The following CHIC1 variants were observed in gnomAD, a reference collection of about 807,000 sequenced individuals.
CHIC1 encodes the protein cysteine-rich hydrophobic domain-containing protein 1.
CHIC1 carries 7 observed loss-of-function variants against 18.5 expected under a neutral mutation model. The ratio of observed to expected loss-of-function variants is 0.38; its 90% CI spans 0.22 to 0.71. The LOEUF (loss-of-function observed/expected upper bound fraction) is 0.71. CHIC1 is among the 30% of genes least tolerant of loss of function. The pLI is 0.49. For synonymous variants in CHIC1, 77 were observed against 73.5 expected (o/e 1.05, Z -0.25); for missense variants, 159 against 176.9 (o/e 0.90, Z 0.57).
intron 3 of CHIC1, among the ~76,000 whole-genome samples, chrX:73,643,722 C>T (rs1224017967): frequency 1.8e-5 from 2 of 112,124 alleles, no homozygotes; most frequent in Non-Finnish European, 3.8e-5. Context: ...GCTCCATCAA[C>T]TCCTTTAAGG....
chrX:73,673,796 A>G lies in CHIC1; in HGVS notation c.508-5530A>G, dbSNP rs1420191920. Among the ~76,000 whole-genome samples the G allele has an allele frequency of 4.5e-5, 5 of 111,799 alleles. No homozygotes were observed. The East Asian group carries it at 8.4e-4, about 19-fold the overall frequency. On this transcript the variant is annotated intron_variant, in intron 3 of 5. Coordinates refer to ENST00000373502, the MANE Select transcript of CHIC1 (RefSeq NM_001039840.4). ...ACTTCCAACACTATGTTGAATAGGA[A>G]TAGTGAGAGAGGGCATCCCTGTCTT...
chrX:73,609,036 T>C (rs2057695607), intron 3 of CHIC1, among the ~76,000 whole-genome samples: 1 of 105,812 alleles, frequency 9.5e-6, no homozygotes, highest in Admixed American at 1.0e-4. Context: ...ACTCCTGTAT[T>C]CCCAGCTACT....
chrX:73,601,171 G>C (rs1479816925), intron 3 of CHIC1, among the ~76,000 whole-genome samples: 1 of 104,773 alleles, frequency 9.5e-6, no homozygotes, highest in Non-Finnish European at 1.9e-5. Flanking sequence ...AGTCAACAAG[G>C]ATACCCAGGA....
At position 73,563,500 on chromosome X, in the gene CHIC1, G is replaced by C. The variant is rs2057428705; in HGVS notation, c.216G>C (p.Pro72=). 2 of 1,163,899 alleles carry C rather than the reference G, an allele frequency of 1.7e-6. No homozygotes were observed. The highest frequency in any genetic ancestry group is 2.1e-5 in the South Asian group (1 of 48,685). The change falls in exon 1 of 6, where the codon CCG becomes CCC. Residue 72 remains proline (P), a synonymous_variant. Coordinates refer to ENST00000373502, the MANE Select transcript of CHIC1 (RefSeq NM_001039840.4). ...EEEEEEEAPP[P]PRVVSEEHLR... Reference sequence around the variant, plus strand: ...AAGAGGAGGAGGAAGCGCCGCCCCCGCCTCGGGTAGTGAGCGAGGAGCATC... The same window carrying C: ...AAGAGGAGGAGGAAGCGCCGCCCCCCCCTCGGGTAGTGAGCGAGGAGCATC...
intron 3 of CHIC1, among the ~76,000 whole-genome samples, chrX:73,594,181 G>T (rs2057595853): frequency 9.1e-6 from 1 of 109,363 alleles, no homozygotes; most frequent in Non-Finnish European, 1.9e-5. Context: ...GTTTTGTTTT[G>T]TTTTGTTGAG....
In CHIC1 at chrX:73,563,450, G is replaced by A. The variant is rs1197332271; in HGVS notation, c.166G>A (p.Glu56Lys). The A allele has an allele frequency of 1.7e-6, 2 of 1,162,470 alleles. No individual in the cohort carries two copies. The highest frequency in any genetic ancestry group is 6.4e-5 in the East Asian group (2 of 31,359). ...TGAGGAGGAAGAGGAGGAAGAGGAG[G>A]AGGAGGAAGAAGAGGAGGAGGAGGA... ...EDEEEEEEEEEEEEEEEEEEE... is the reference protein window; with the variant it reads ...EDEEEEEEEEKEEEEEEEEEE... Residue 56 changes from glutamate (E) to lysine (K), a missense_variant, in exon 1 of 6, where the codon GAG becomes AAG. By Grantham distance (56) the Glu-to-Lys change is moderately conservative. Coordinates refer to ENST00000373502, the MANE Select transcript of CHIC1 (RefSeq NM_001039840.4).
At chrX:73,565,509 C>T (rs904460736) in intron 1 of CHIC1, among the ~76,000 whole-genome samples, 1 of 111,338 alleles carries the variant, frequency 9.0e-6, no homozygotes, top group Non-Finnish European at 1.9e-5. Flanking sequence ...AAACCAAAAC[C>T]TGAAAAGAAG....
At chrX:73,659,182 T>C (rs767086030) in intron 3 of CHIC1, among the ~76,000 whole-genome samples, 118 of 111,856 alleles carry the variant, frequency 1.1e-3, no homozygotes, top group Non-Finnish European at 1.8e-3. Flanking sequence ...AAGTAACTTA[T>C]CTAGATCAAT....
intron 3 of CHIC1, among the ~76,000 whole-genome samples, chrX:73,586,201 G>T (rs2057552399): frequency 9.0e-6 from 1 of 111,506 alleles, no homozygotes; most frequent in Non-Finnish European, 1.9e-5. Flanking sequence ...AGTAGTGGCT[G>T]CTTCCTTTAA....
intron 3 of CHIC1, among the ~76,000 whole-genome samples, chrX:73,655,494 GTATATATATATA>G (rs2057941271): frequency 3.7e-5 from 2 of 54,229 alleles, no homozygotes; most frequent in East Asian, 1.1e-3. Flanking sequence ...ACAATATTGT[GTATATATATATA>G]CATATATACA....
intron 3 of CHIC1, among the ~76,000 whole-genome samples, chrX:73,655,391 A>G (rs1367109821): frequency 2.0e-5 from 2 of 100,091 alleles, no homozygotes; most frequent in South Asian, 9.1e-4. Flanking sequence ...GTGTGTATAT[A>G]TATGTACATA....
At chrX:73,569,847 T>A (rs192953118) in intron 1 of CHIC1, among the ~76,000 whole-genome samples, 1 of 111,683 alleles carries the variant, frequency 9.0e-6, no homozygotes, top group Admixed American at 9.5e-5. Context: ...TCAAGCCTAC[T>A]TTGCCTTTCT....
At chrX:73,633,635 CT>C (rs2057818315) in intron 3 of CHIC1, among the ~76,000 whole-genome samples, 1 of 111,238 alleles carries the variant, frequency 9.0e-6, no homozygotes, top group Non-Finnish European at 1.9e-5. Context: ...TGTTCTTTCT[CT>C]TTTTCTGCTC....
chrX:73,630,191 C>A (rs2057800945), intron 3 of CHIC1, among the ~76,000 whole-genome samples: 2 of 111,505 alleles, frequency 1.8e-5, no homozygotes, highest in Non-Finnish European at 3.8e-5. Context: ...AGAATTATGT[C>A]ATTAGCAAAC....
rs2057710564 is a variant in CHIC1 at position 73,611,900 on chromosome X, A to T, written c.507+27328A>T. Among the ~76,000 whole-genome samples the T allele has an allele frequency of 3.7e-5, 4 of 108,101 alleles. No homozygotes were observed. The South Asian group carries it at 1.6e-3, about 43-fold the overall frequency. The allele number at this position is 108,101 out of a possible 115,157, so 93.9% of individuals were successfully genotyped here. A position where few individuals can be genotyped will look rare whatever the true frequency, so the allele number is the denominator to read the frequency against. Reference sequence around the variant, plus strand: ...TTTTCTTGTAAATTTGTTTGAGTTCATTGTAGATTCTGGATATTAGCCCTT... The same window carrying T: ...TTTTCTTGTAAATTTGTTTGAGTTCTTTGTAGATTCTGGATATTAGCCCTT... On this transcript the variant is annotated intron_variant, in intron 3 of 5. Transcript: ENST00000373502.
chrX:73,590,033 T>A (rs1047240383), intron 3 of CHIC1, among the ~76,000 whole-genome samples: 12 of 111,370 alleles, frequency 1.1e-4, no homozygotes, highest in African/African-American at 3.9e-4. Context: ...GCTTTCAAGA[T>A]TTCCCTCTTT....
chrX:73,626,144 T>G, intron 3 of CHIC1, among the ~76,000 whole-genome samples: 1 of 111,381 alleles, frequency 9.0e-6, no homozygotes, highest in African/African-American at 3.3e-5. Flanking sequence ...AGTAAAGAAA[T>G]AAAAGAATGG....
intron 3 of CHIC1, among the ~76,000 whole-genome samples, chrX:73,617,806 G>C (rs2057739823): frequency 8.9e-6 from 1 of 111,927 alleles, no homozygotes; most frequent in Admixed American, 9.5e-5. Flanking sequence ...AATTCAAAAT[G>C]AGATTTGGGT....
Position 73,679,311 on chromosome X carries a change from G to A in CHIC1, c.508-15G>A. 1 of 1,094,362 alleles carries A rather than the reference G, an allele frequency of 9.1e-7. No homozygotes were observed. The highest frequency in any genetic ancestry group is 1.8e-5 in the African/African-American group (1 of 55,406). 90.2% of individuals were successfully genotyped at this position (1,094,362 alleles called of 1,213,427 possible). A position where few individuals can be genotyped will look rare whatever the true frequency, so the allele number is the denominator to read the frequency against. ...TCAGGTCATCTTGTAACAAAGTCTT[G>A]ATCATTTTTCTTAGACCAGAAGATC... On this transcript the variant is annotated splice_polypyrimidine_tract_variant and intron_variant, in intron 3 of 5. Transcript: ENST00000373502.
Sources: allele counts gnomAD v4.1 joint callset (sites outside exome capture counted in the v4.1 genomes callset), GRCh38; gene constraint gnomAD v4.1.1; transcripts MANE v1.5; gene names NCBI Gene and HGNC (gene_info 2026-07-23, HGNC 2026-07-21).